Variants in PITPNM1 observed in about 807,000 individuals in gnomAD.
The protein encoded by PITPNM1 is membrane-associated phosphatidylinositol transfer protein 1.
Under a neutral mutation model 133.3 loss-of-function variants are expected in PITPNM1, and 74 were observed. The ratio of observed to expected loss-of-function variants is 0.56; its 90% CI spans 0.46 to 0.67. PITPNM1 has a LOEUF of 0.67. Ranked by LOEUF, PITPNM1 falls within the 30% of genes least tolerant of loss-of-function variation. The pLI is 0.00. For synonymous variants in PITPNM1, 738 were observed against 741.4 expected (o/e 1.00, Z 0.08); for missense variants, 1,398 against 1,739.5 (o/e 0.80, Z 3.49).
chr11:67,499,998 G>C lies in PITPNM1; in HGVS notation c.979C>G (p.Pro327Ala). Residue 327 changes from proline (P) to alanine (A), a missense_variant, in exon 7 of 24, where the codon CCC (proline) becomes GCC (alanine). Pro to Ala is a conservative substitution (Grantham distance 27). Around this residue, in one of 5 missense-constraint regions of PITPNM1, gnomAD observed 195 missense variants for 178.8 expected, o/e 1.09. Transcript: ENST00000356404. Reference protein sequence around the residue: ...YSSQHGGAVSPQSLSEWRMQN... With the variant: ...YSSQHGGAVSAQSLSEWRMQN... ...ATGCGCCACTCAGACAAGCTCTGGG[G>C]AGACACAGCCCCTGCCGGGCCAGCT... The C allele has an allele frequency of 6.2e-7, 1 of 1,612,368 alleles. No homozygotes were observed. The highest frequency in any genetic ancestry group is 8.5e-7 in the Non-Finnish European group (1 of 1,179,750).
chr11:67,503,557 G>A (rs1866400452), intron 2 of PITPNM1, among the ~76,000 whole-genome samples: 1 of 152,200 alleles, frequency 6.6e-6, no homozygotes, highest in Non-Finnish European at 1.5e-5. Flanking sequence ...TGCTTTATGA[G>A]ATTCTGGTCC....
In PITPNM1 at chr11:67,495,199, G is replaced by C. The variant is rs766029171; in HGVS notation, c.2509C>G (p.Arg837Gly). The part of the protein sequence containing the change: ...KILERWWGTK[R>G]IDYSLYCPEA... The stretch of plus-strand genomic sequence containing the variant: ...GGGCAGTACAGCGAGTAGTCGATCC[G>C]CTTGGTCCCCCACCAGCGCTCCAGG... The change falls in exon 17 of 24, where the codon CGG (arginine) becomes GGG (glycine). Residue 837 changes from arginine (R) to glycine (G), a missense_variant. Arg to Gly is a moderately radical substitution (Grantham distance 125). Transcript: ENST00000356404. 1 of 1,605,438 alleles carries C rather than the reference G, an allele frequency of 6.2e-7. No individual in the cohort carries two copies. Among genetic ancestry groups the C allele is most frequent in the Admixed American group, 1.7e-5 (1 of 59,802 alleles).
chr11:67,492,957 G>A lies in PITPNM1; in HGVS notation c.3448C>T (p.Arg1150Trp). 2 of 1,612,846 alleles carry A rather than the reference G, an allele frequency of 1.2e-6. No homozygotes were observed. Among genetic ancestry groups the A allele is most frequent in the Middle Eastern group, 1.7e-4 (1 of 6,056 alleles). Residue 1150 changes from arginine to tryptophan, a missense_variant, in exon 23 of 24, where the codon CGG becomes TGG. By Grantham distance (101) the Arg-to-Trp change is moderately radical. Coordinates refer to ENST00000356404, the MANE Select transcript of PITPNM1 (RefSeq NM_004910.3). ...ACCTGGCACTGCGCCTGTAGCTTCC[G>A]CACGGCACGGCCCACGATGTAGGTC... ...SQTYIVGRAVRKLQAQCQFLS... is the reference protein window; with the variant it reads ...SQTYIVGRAVWKLQAQCQFLS...
Position 67,502,701 on chromosome 11 carries a change from C to T in PITPNM1, c.96G>A (p.Glu32=), listed in dbSNP as rs1273103543. Residue 32 remains glutamate, a synonymous_variant, in exon 3 of 24, where the codon GAG becomes GAA. Transcript: ENST00000356404. This position sits in a 1 kb window ranked among gnomAD's most constrained non-coding sequence, Gnocchi z 5.9. The stretch of plus-strand genomic sequence containing the variant: ...CCACGCCGCTGCCCTCACCACTAGA[C>T]TCCTCCCGGCTCTTTTTCTGTGGCC... ...LYMIQKKSRE[E]SSGEGSGVEI... The T allele has an allele frequency of 4.3e-6, 7 of 1,612,454 alleles. No individual in the cohort carries two copies. The highest frequency in any genetic ancestry group is 1.7e-5 in the Admixed American group (1 of 59,996).
At position 67,497,505 on chromosome 11, in the gene PITPNM1, T is replaced by TGGGGCAGGGACGTC. The variant is rs1184215699; in HGVS notation, c.1940+3_1940+16dup. On this transcript the variant is annotated intron_variant, in intron 13 of 23. Transcript: ENST00000356404. ...CATCATGTGCCCAGGGTAGGGGTGA[T>TGGGGCAGGGACGTC]GGGGCAGGGACGTCACCTGTTCTGA... 6.2e-7 allele frequency: 1 copy of TGGGGCAGGGACGTC among 1,602,984 alleles called. No homozygotes were observed. The highest frequency in any genetic ancestry group is 8.5e-7 in the Non-Finnish European group (1 of 1,175,370).
In PITPNM1 at chr11:67,499,915, G is replaced by A. The variant is rs776256803; in HGVS notation, c.1062C>T (p.His354=). 19 of 1,611,528 alleles carry A rather than the reference G, an allele frequency of 1.2e-5. No homozygotes were observed. Among genetic ancestry groups the A allele is most frequent in the African/African-American group, 2.7e-5 (2 of 74,884 alleles). The part of the protein sequence containing the change: ...NSSEEEFFDA[H]EGFSDSEEVF... Reference sequence around the variant, plus strand: ...CCCAAAAAGGGCCTCAGTGCTGACCGTGGGCATCAAAGAACTCTTCCTCGG... The same window carrying A: ...CCCAAAAAGGGCCTCAGTGCTGACCATGGGCATCAAAGAACTCTTCCTCGG... Residue 354 remains histidine (H), a splice_region_variant and synonymous_variant, in exon 7 of 24, where the codon CAC becomes CAT. Coordinates refer to ENST00000356404, the MANE Select transcript of PITPNM1 (RefSeq NM_004910.3).
At chr11:67,496,519 G>A (rs1866127103) in intron 14 of PITPNM1, 171 bp from the exon 15 acceptor site, 5 of 564,712 alleles carry the variant, frequency 8.9e-6, no homozygotes, top group Non-Finnish European at 1.5e-5. Flanking sequence ...TGAGACAGGG[G>A]CTGGGCACCG....
Position 67,499,954 on chromosome 11 carries a change from G to C in PITPNM1, c.1023C>G (p.Asp341Glu). Residue 341 changes from aspartate to glutamate, a missense_variant, in exon 7 of 24, where the codon GAC becomes GAG. Asp to Glu is a conservative substitution (Grantham distance 45). This residue lies in a region of PITPNM1 where 195 missense variants were observed against 178.8 expected (regional missense o/e 1.09). Coordinates refer to ENST00000356404, the MANE Select transcript of PITPNM1 (RefSeq NM_004910.3). ...ACTCTTCCTCGGAGCTGTTCTCAGAGTCTCGGGCAATGTTCTGCATGCGCC... is the reference window on the plus strand; with the variant it reads ...ACTCTTCCTCGGAGCTGTTCTCAGACTCTCGGGCAATGTTCTGCATGCGCC... Reference protein sequence around the residue: ...SEWRMQNIARDSENSSEEEFF... With the variant: ...SEWRMQNIARESENSSEEEFF... The C allele has an allele frequency of 6.2e-7, 1 of 1,612,592 alleles. No homozygotes were observed. The highest frequency in any genetic ancestry group is 8.5e-7 in the Non-Finnish European group (1 of 1,179,862).
chr11:67,505,516 T>C (rs1282934003), upstream of PITPNM1: 2 of 152,160 alleles, frequency 1.3e-5, no homozygotes, highest in Non-Finnish European at 2.9e-5. This position sits in a 1 kb window ranked among gnomAD's most constrained non-coding sequence, Gnocchi z 5.8. Context: ...CCCCGGGCAG[T>C]GGGAAAAAGG....
Position 67,493,701 on chromosome 11 carries a change from C to T in PITPNM1, c.3145G>A (p.Val1049Met), listed in dbSNP as rs1451190681. The T allele has an allele frequency of 6.5e-7, 1 of 1,546,694 alleles. No homozygotes were observed. The highest frequency in any genetic ancestry group is 8.7e-7 in the Non-Finnish European group (1 of 1,146,930). The change falls in exon 21 of 24, where the codon GTG becomes ATG. Residue 1049 changes from valine to methionine, a missense_variant. Coordinates refer to ENST00000356404, the MANE Select transcript of PITPNM1 (RefSeq NM_004910.3). ...GGCAACTCCTACCTGACCACGTCCA[C>T]GGCGCCAGCTCGCACCTTGGGGTCG... ...GSDPKVRAGA[V>M]DVVRHWQDSG...
At position 67,498,204 on chromosome 11, in the gene PITPNM1, C is replaced by T. The variant is rs762697864; in HGVS notation, c.1603G>A (p.Val535Ile). ...TAGGCCTGGTTGGTGCGGGCAATGA[C>T]GGTGGCCACGGCGCCCTGGTAGCGG... ...SSRYQGAVAT[V>I]IARTNQAYSA... The change falls in exon 11 of 24, where the codon GTC (valine) becomes ATC (isoleucine). Residue 535 changes from valine (V) to isoleucine (I), a missense_variant. Val to Ile is a conservative substitution (Grantham distance 29). This residue lies in a region of PITPNM1 where 574 missense variants were observed against 698.7 expected (regional missense o/e 0.82). Transcript: ENST00000356404. This position sits in a 1 kb window ranked among gnomAD's most constrained non-coding sequence, Gnocchi z 5.7. 61 of 1,613,070 alleles carry T rather than the reference C, an allele frequency of 3.8e-5. No homozygotes were observed. Among genetic ancestry groups the T allele is most frequent in the South Asian group, 5.5e-5 (5 of 91,058 alleles).
chr11:67,493,722 G>C lies in PITPNM1; in HGVS notation c.3124C>G (p.Pro1042Ala). Residue 1042 changes from proline (P) to alanine (A), a missense_variant, in exon 21 of 24, where the codon CCC becomes GCC. Physicochemically the swap from Pro to Ala is conservative, Grantham distance 27. Coordinates refer to ENST00000356404, the MANE Select transcript of PITPNM1 (RefSeq NM_004910.3). ...TASVSIMGSD[P>A]KVRAGAVDVV... ...TCCACGGCGCCAGCTCGCACCTTGG[G>C]GTCGCTGCCCATGATGGAGACGCTG... 1.3e-6 allele frequency: 2 copies of C among 1,547,760 alleles called. No homozygotes were observed. Among genetic ancestry groups the C allele is most frequent in the Non-Finnish European group, 1.7e-6 (2 of 1,147,068 alleles).
intron 2 of PITPNM1, among the ~76,000 whole-genome samples, chr11:67,503,183 G>A (rs995191114): frequency 3.9e-5 from 6 of 152,190 alleles, no homozygotes; most frequent in Non-Finnish European, 8.8e-5. Flanking sequence ...TGATAGTCAG[G>A]GAAGGCCTTG....
rs1866287738 is a variant in PITPNM1, at chr11:67,500,384, G to A, written c.678C>T (p.Ala226=). The change falls in exon 6 of 24, where the codon GCC becomes GCT. Residue 226 remains alanine (A), a synonymous_variant. Coordinates refer to ENST00000356404, the MANE Select transcript of PITPNM1 (RefSeq NM_004910.3). ...RRVMLRAHRQ[A]WCWQDEWTEL... is the part of the protein sequence containing the mutation. ...CTGTCCACTCATCCTGCCAGCACCA[G>A]GCCTGGCGGTGGGCCCGCAGCATCA... 3.1e-6 allele frequency: 5 copies of A among 1,611,656 alleles called. No individual in the cohort carries two copies. The highest frequency in any genetic ancestry group is 3.4e-6 in the Non-Finnish European group (4 of 1,179,856).
In PITPNM1 at chr11:67,494,010, C is replaced by T. The variant is rs778208267; in HGVS notation, c.2920G>A (p.Val974Ile). The change falls in exon 20 of 24, where the codon GTC becomes ATC. Residue 974 changes from valine (V) to isoleucine (I), a missense_variant. By Grantham distance (29) the Val-to-Ile change is conservative. Transcript: ENST00000356404. ...SGKWIHFGTEVTNSSGRLTFP... is the reference protein window; with the variant it reads ...SGKWIHFGTEITNSSGRLTFP... ...GTGAGGCGGCCCGAGCTATTGGTGACTTCGGTGCCAAAGTGGATCCACTTG... is the reference window on the plus strand; with the variant it reads ...GTGAGGCGGCCCGAGCTATTGGTGATTTCGGTGCCAAAGTGGATCCACTTG... 6 of 1,612,078 alleles carry T rather than the reference C, an allele frequency of 3.7e-6. No individual in the cohort carries two copies. Among genetic ancestry groups the T allele is most frequent in the Non-Finnish European group, 5.1e-6 (6 of 1,179,638 alleles).
In PITPNM1 at chr11:67,502,640, C is replaced by G. The variant is rs772763913; in HGVS notation, c.157G>C (p.Gly53Arg). 1 of 1,613,508 alleles carries G rather than the reference C, an allele frequency of 6.2e-7. No homozygotes were observed. Among genetic ancestry groups the G allele is most frequent in the Non-Finnish European group, 8.5e-7 (1 of 1,180,010 alleles). ...TTGTGTGTGTATTGCCCGCTGCCCCCGGGCCCATCCGTGTAGGGCCGGTTG... is the reference window on the plus strand; with the variant it reads ...TTGTGTGTGTATTGCCCGCTGCCCCGGGGCCCATCCGTGTAGGGCCGGTTG... ...LANRPYTDGP[G>R]GSGQYTHKVY... Residue 53 changes from glycine to arginine, a missense_variant, in exon 3 of 24, where the codon GGG (glycine) becomes CGG (arginine). Coordinates refer to ENST00000356404, the MANE Select transcript of PITPNM1 (RefSeq NM_004910.3). The surrounding 1 kb of genome is among the most constrained non-coding windows in gnomAD (Gnocchi z 5.9).
At chr11:67,500,564 TC>T in intron 5 of PITPNM1, 143 bp from the exon 6 acceptor site, 1 of 742,466 alleles carries the variant, frequency 1.3e-6, no homozygotes, top group Non-Finnish European at 2.2e-6. Context: ...GCCAGTGCAG[TC>T]CAGGAATGGG....
In PITPNM1 at chr11:67,492,175, A is replaced by G. The variant is rs2134262312; in HGVS notation, c.3593T>C (p.Val1198Ala). The change falls in exon 24 of 24, where the codon GTG (valine) becomes GCG (alanine). Residue 1198 changes from valine (V) to alanine (A), a missense_variant. This residue lies in a region of PITPNM1 where 122 missense variants were observed against 123.3 expected (regional missense o/e 0.99). Transcript: ENST00000356404. ...GKSSYGVAAP[V>A]DFLRKQSQLL... Reference sequence around the variant, plus strand: ...CTGGCTCTGTTTGCGCAGGAAGTCCACGGGGGCAGCCACACCATAGCTGCT... The same window carrying G: ...CTGGCTCTGTTTGCGCAGGAAGTCCGCGGGGGCAGCCACACCATAGCTGCT... 1.2e-6 allele frequency: 2 copies of G among 1,609,816 alleles called. No homozygotes were observed. Among genetic ancestry groups the G allele is most frequent in the East Asian group, 4.5e-5 (2 of 44,720 alleles).
intron 23 of PITPNM1, 108 bp from the exon 24 acceptor site, chr11:67,492,404 G>T (rs1201509254): frequency 8.6e-7 from 1 of 1,161,940 alleles, no homozygotes. Flanking sequence ...CTGGTGGCAG[G>T]CTTGGCACAG....
Sources: gnomAD v4.1 joint callset for allele counts (sites outside exome capture counted in the v4.1 genomes callset) on GRCh38, gnomAD v4.1.1 for gene constraint, gnomAD v4.1.1 regional missense constraint, Gnocchi (gnomAD v3.1) non-coding constraint, MANE v1.5 for transcripts, NCBI Gene and HGNC (gene_info 2026-07-23, HGNC 2026-07-21) for gene names.